The following DPYD variants were observed in gnomAD, a reference collection of about 807,000 sequenced individuals.
DPYD encodes the protein dihydropyrimidine dehydrogenase, also known as dihydropyrimidine dehydrogenase [NADP(+)].
DPYD carries 109 observed loss-of-function variants against 116.2 expected under a neutral mutation model. The ratio of observed to expected loss-of-function variants is 0.94; its 90% CI spans 0.80 to 1.10. The LOEUF is 1.10. DPYD is among the 50% of genes least tolerant of loss of function. The pLI is 0.00. For missense variants in DPYD, 1,302 were observed against 1,254.5 expected (o/e 1.04, Z -0.57); for synonymous variants, 440 against 432.0 (o/e 1.02, Z -0.23).
chr1:97,349,160 C>A (rs1275812239), intron 16 of DPYD, among the ~76,000 whole-genome samples: 1 of 152,100 alleles, frequency 6.6e-6, no homozygotes, highest in African/African-American at 2.4e-5. Context: ...TAATAGTACA[C>A]TAGCTCAGAG....
In DPYD at chr1:97,681,312, C is replaced by T. The variant is rs561183919; in HGVS notation, c.763-2130G>A. On this transcript the variant is annotated intron_variant, in intron 7 of 22. Coordinates refer to ENST00000370192, the MANE Select transcript of DPYD (RefSeq NM_000110.4). ...CAAGGACAAAGAACAGCATATTATA[C>T]GTGAAGACCTACTAAAAAGGTTGTG... Among the ~76,000 whole-genome samples, 51 of 152,108 alleles carry T rather than the reference C, an allele frequency of 3.4e-4. No homozygotes were observed. The South Asian group carries it at 9.1e-3, about 27-fold the overall frequency.
chr1:97,545,480 T>C (rs1650769141), intron 12 of DPYD, among the ~76,000 whole-genome samples: 1 of 152,060 alleles, frequency 6.6e-6, no homozygotes, highest in Non-Finnish European at 1.5e-5. Context: ...AATACTGGAG[T>C]TGGAGCAAGT....
chr1:97,417,062 T>A (rs1043174203), intron 14 of DPYD, among the ~76,000 whole-genome samples: 1 of 152,172 alleles, frequency 6.6e-6, no homozygotes, highest in African/African-American at 2.4e-5. Context: ...CATTATTAAT[T>A]ATTTAAAAAT....
At chr1:97,714,205 A>AC (rs1349472012) in intron 5 of DPYD, among the ~76,000 whole-genome samples, 16 of 150,784 alleles carry the variant, frequency 1.1e-4, no homozygotes, top group South Asian at 2.1e-4. Context: ...CGTCACATAG[A>AC]CCCCCCCTTT....
intron 20 of DPYD, among the ~76,000 whole-genome samples, chr1:97,109,005 C>G (rs566112715): frequency 6.6e-6 from 1 of 152,062 alleles, no homozygotes; most frequent in East Asian, 1.9e-4. Context: ...GATCTTAGAA[C>G]GCAGAAACTA....
intron 8 of DPYD, among the ~76,000 whole-genome samples, chr1:97,676,217 C>G (rs974653899): frequency 1.3e-5 from 2 of 152,234 alleles, no homozygotes; most frequent in East Asian, 3.9e-4. Flanking sequence ...ATCTGTCATC[C>G]CCTTTCCCTA....
intron 20 of DPYD, among the ~76,000 whole-genome samples, chr1:97,170,720 G>T (rs1656665341): frequency 6.6e-6 from 1 of 150,864 alleles, no homozygotes; most frequent in South Asian, 2.1e-4. Flanking sequence ...CTGTCACCCA[G>T]GCTGGAGTGC....
rs72965804 is a variant in DPYD at position 97,093,655 on chromosome 1, G to A, written c.2766+4834C>T. On this transcript the variant is annotated intron_variant, in intron 21 of 22. Transcript: ENST00000370192. ...ACGGCAATGCCATAGTTTGAACCTA[G>A]GCAGTGTGACAGAGTAGTCCCATGC... 4.9e-3 allele frequency among the ~76,000 whole-genome samples: 753 copies of A among 152,256 alleles called. 2 individuals carry two copies. The highest frequency in any genetic ancestry group is 0.017 in the African/African-American group (714 of 41,550).
intron 18 of DPYD, among the ~76,000 whole-genome samples, chr1:97,267,739 T>C (rs577501931): frequency 2.6e-5 from 4 of 152,258 alleles, no homozygotes; most frequent in East Asian, 1.9e-4. Flanking sequence ...TGCTGTTGCA[T>C]TGGGGATTAA....
At chr1:97,795,206 T>A (rs1667505310) in intron 3 of DPYD, among the ~76,000 whole-genome samples, 1 of 151,934 alleles carries the variant, frequency 6.6e-6, no homozygotes, top group African/African-American at 2.4e-5. Context: ...CATGAGAAAA[T>A]AATTATTTTT....
intron 13 of DPYD, among the ~76,000 whole-genome samples, chr1:97,491,888 C>T (rs535347957): frequency 1.3e-5 from 2 of 152,144 alleles, no homozygotes; most frequent in South Asian, 2.1e-4. Context: ...AACCAACTTC[C>T]GGGGTAGCAC....
At chr1:97,801,719 A>G (rs1667855607) in intron 3 of DPYD, among the ~76,000 whole-genome samples, 1 of 151,798 alleles carries the variant, frequency 6.6e-6, no homozygotes, top group Non-Finnish European at 1.5e-5. Context: ...GGAAAGGCCC[A>G]TTATTTTTCT....
intron 20 of DPYD, among the ~76,000 whole-genome samples, chr1:97,134,284 T>C (rs1423808432): frequency 6.6e-6 from 1 of 151,924 alleles, no homozygotes; most frequent in Non-Finnish European, 1.5e-5. Context: ...AAAATAACCC[T>C]ATTAAACCTG....
In DPYD at chr1:97,891,237, T is replaced by C. The variant is rs545829136; in HGVS notation, c.40-7863A>G. Among the ~76,000 whole-genome samples the C allele has an allele frequency of 3.0e-4, 45 of 152,008 alleles. No individual in the cohort carries two copies. In the South Asian group the frequency reaches 3.7e-3, roughly 13 times the overall value. ...TCCTAAGAAATGGCCAAAGGCACGT[T>C]CCAACAGGTCACAGAGTCCCCTCTC... On this transcript the variant is annotated intron_variant, in intron 1 of 22. Coordinates refer to ENST00000370192, the MANE Select transcript of DPYD (RefSeq NM_000110.4).
intron 14 of DPYD, among the ~76,000 whole-genome samples, chr1:97,431,384 C>A (rs909812105): frequency 1.3e-5 from 2 of 152,040 alleles, no homozygotes; most frequent in Admixed American, 1.3e-4. Flanking sequence ...AAAATGATGG[C>A]CAAGGAAGGC....
At position 97,227,487 on chromosome 1, in the gene DPYD, G is replaced by T. The variant is rs1442733605; in HGVS notation, c.2442+7365C>A. 2.0e-5 allele frequency among the ~76,000 whole-genome samples: 3 copies of T among 151,756 alleles called. 1 individual carries two copies. In the East Asian group the frequency reaches 5.8e-4, roughly 29 times the overall value. ...TTAGCTGATGTGATTACTATGCATT[G>T]CATGCTTATATTAAAATAGCTCACA... On this transcript the variant is annotated intron_variant, in intron 19 of 22. Coordinates refer to ENST00000370192, the MANE Select transcript of DPYD (RefSeq NM_000110.4).
chr1:97,548,846 G>C (rs1651104002), intron 12 of DPYD, among the ~76,000 whole-genome samples: 1 of 152,088 alleles, frequency 6.6e-6, no homozygotes, highest in South Asian at 2.1e-4. Flanking sequence ...TTGGAAAACA[G>C]ACAGGACCTT....
At chr1:97,231,462 G>C (rs1661582595) in intron 19 of DPYD, among the ~76,000 whole-genome samples, 1 of 152,138 alleles carries the variant, frequency 6.6e-6, no homozygotes, top group Non-Finnish European at 1.5e-5. Flanking sequence ...CAAATGGTGA[G>C]CAAAGTCTCG....
intron 13 of DPYD, among the ~76,000 whole-genome samples, chr1:97,485,717 C>T (rs1201532205): frequency 6.6e-6 from 1 of 151,958 alleles, no homozygotes. Flanking sequence ...ATATAATTGC[C>T]GATCCTCTGC....
Sources: allele counts gnomAD v4.1 joint callset (sites outside exome capture counted in the v4.1 genomes callset), GRCh38; gene constraint gnomAD v4.1.1; transcripts MANE v1.5; gene names NCBI Gene and HGNC (gene_info 2026-07-23, HGNC 2026-07-21).